The following ZNF273 variants were observed in gnomAD, a reference collection of about 807,000 sequenced individuals.
The protein encoded by ZNF273 is zinc finger protein 273.
In ZNF273, 11 loss-of-function variants were observed where a neutral mutation model predicts 14.9. That is an observed-to-expected ratio of 0.74 (90% CI 0.46 to 1.22). ZNF273 has a LOEUF of 1.22. ZNF273 is among the 50% of genes most tolerant of loss of function. The probability of loss-of-function intolerance (pLI) is 0.00; values close to 1 mark genes in which losing one functional copy is unlikely to be tolerated. For missense variants in ZNF273, 577 were observed against 660.6 expected (o/e 0.87, Z 1.39); for synonymous variants, 199 against 223.9 (o/e 0.89, Z 0.99).
At chr7:64,925,713 C>G (rs902998919) in intron 3 of ZNF273, among the ~76,000 whole-genome samples, 1 of 151,740 alleles carries the variant, frequency 6.6e-6, no homozygotes, top group Non-Finnish European at 1.5e-5. Context: ...GCTGGAATTA[C>G]AGGCATGAGC....
At chr7:64,886,232 G>T (rs756624620) in intron 1 of ZNF273, among the ~76,000 whole-genome samples, 58 of 152,348 alleles carry the variant, frequency 3.8e-4, no homozygotes, top group Non-Finnish European at 7.3e-4. Context: ...CCTTTACTCA[G>T]TTGAATGAGC....
At chr7:64,888,361 G>A (rs1270480238) in intron 1 of ZNF273, 1 of 985,212 alleles carries the variant, frequency 1.0e-6, no homozygotes, top group African/African-American at 1.7e-5. Context: ...CCAGGGGGAA[G>A]CGGGTTATGA....
chr7:64,909,392 TTTG>T (rs1468628693), intron 1 of ZNF273, among the ~76,000 whole-genome samples: 1 of 151,858 alleles, frequency 6.6e-6, no homozygotes, highest in African/African-American at 2.4e-5. Flanking sequence ...GCCTGGCTAA[TTTG>T]TTTTGTATTT....
At chr7:64,893,211 C>A (rs758415909), downstream of ZNF273, among the ~76,000 whole-genome samples, 9 of 152,118 alleles carry the variant, frequency 5.9e-5, no homozygotes, top group Non-Finnish European at 1.2e-4. Flanking sequence ...CTTTCTGTAT[C>A]ATTAAGACTC....
At chr7:64,889,273 G>C, downstream of ZNF273, 1 of 983,270 alleles carries the variant, frequency 1.0e-6, no homozygotes, top group Non-Finnish European at 1.2e-6. This position sits in a 1 kb window ranked among gnomAD's most constrained non-coding sequence, Gnocchi z 4.2. Context: ...CCGGGAGGTC[G>C]GGCTCCCGGC....
chr7:64,933,691 G>A (rs527565262), downstream of ZNF273: 1 of 152,244 alleles, frequency 6.6e-6, no homozygotes, highest in African/African-American at 2.4e-5. Flanking sequence ...ATTCAGCCAA[G>A]TTTATGAAAC....
chr7:64,935,744 A>C (rs1227862443), downstream of ZNF273, among the ~76,000 whole-genome samples: 8 of 151,952 alleles, frequency 5.3e-5, no homozygotes, highest in African/African-American at 1.9e-4. Flanking sequence ...CTGGTCTGGA[A>C]CTCCTGACCT....
At chr7:64,901,223 G>T (rs937002276), upstream of ZNF273, among the ~76,000 whole-genome samples, 4 of 152,000 alleles carry the variant, frequency 2.6e-5, no homozygotes, top group Admixed American at 2.6e-4. Flanking sequence ...GGCTGGTCTC[G>T]AACTCCTGAC....
chr7:64,927,831 A>T lies in ZNF273; in HGVS notation c.503A>T (p.Gln168Leu), dbSNP rs1794837127. ...AAAAGAGGTTATAATGGACTTAACCAATGTTTGACAACTACCCAGAGCAAA... is the reference window on the plus strand; with the variant it reads ...AAAAGAGGTTATAATGGACTTAACCTATGTTTGACAACTACCCAGAGCAAA... ...VHKRGYNGLNQCLTTTQSKIF... is the reference protein window; with the variant it reads ...VHKRGYNGLNLCLTTTQSKIF... Residue 168 changes from glutamine to leucine, a missense_variant, in exon 4 of 4, where the codon CAA becomes CTA. This residue lies in a region of ZNF273 where 162 missense variants were observed against 203.5 expected (regional missense o/e 0.80). Transcript: ENST00000476120. The T allele has an allele frequency of 6.2e-7, 1 of 1,613,978 alleles. No individual in the cohort carries two copies.
chr7:64,895,030 A>G (rs944552769), intron 3 of ZNF273, among the ~76,000 whole-genome samples: 1 of 151,954 alleles, frequency 6.6e-6, no homozygotes, highest in Non-Finnish European at 1.5e-5. Flanking sequence ...TCAGCTACTC[A>G]GGAGGCTGAG....
chr7:64,934,705 C>G (rs767876029), downstream of ZNF273, among the ~76,000 whole-genome samples: 1 of 151,886 alleles, frequency 6.6e-6, no homozygotes, highest in African/African-American at 2.4e-5. Flanking sequence ...GTTTTGAGTA[C>G]TATAGCTTGG....
chr7:64,903,265 G>T, upstream of ZNF273: 1 of 1,453,604 alleles, frequency 6.9e-7, no homozygotes, highest in Non-Finnish European at 9.6e-7. Flanking sequence ...GGATTTGGCG[G>T]GGCCTTTGTC....
chr7:64,881,901 G>A (rs1007602359), downstream of ZNF273, among the ~76,000 whole-genome samples: 3 of 152,158 alleles, frequency 2.0e-5, no homozygotes, highest in Non-Finnish European at 2.9e-5. Flanking sequence ...AGCAGCACTC[G>A]TGGACACCCA....
chr7:64,889,329 G>T, downstream of ZNF273: 3 of 960,562 alleles, frequency 3.1e-6, no homozygotes, highest in Non-Finnish European at 3.7e-6. The surrounding 1 kb of genome is among the most constrained non-coding windows in gnomAD (Gnocchi z 4.2). Flanking sequence ...TACCCACCGC[G>T]TCCCCTCCGC....
intron 1 of ZNF273, among the ~76,000 whole-genome samples, chr7:64,905,134 T>C (rs1295771961): frequency 1.5e-5 from 1 of 68,880 alleles, no homozygotes; most frequent in Non-Finnish European, 3.0e-5. Context: ...TTTTTTTTTT[T>C]TGAGACAGTC....
downstream of ZNF273, among the ~76,000 whole-genome samples, chr7:64,932,198 C>T (rs1795002883): frequency 7.0e-6 from 1 of 143,308 alleles, no homozygotes; most frequent in Admixed American, 7.3e-5. Context: ...AGGATTAAAT[C>T]ACTTAGCATT....
At chr7:64,921,636 T>TTGTG (rs1491013974) in intron 3 of ZNF273, among the ~76,000 whole-genome samples, 33 of 33,956 alleles carry the variant, frequency 9.7e-4, no homozygotes, top group South Asian at 7.7e-3. Context: ...TTTTTTTTTT[T>TTGTG]TGTGTGTGAG....
intron 2 of ZNF273, among the ~76,000 whole-genome samples, chr7:64,879,279 G>A (rs1285294398): frequency 6.6e-6 from 1 of 152,174 alleles, no homozygotes; most frequent in Non-Finnish European, 1.5e-5. Flanking sequence ...TGTGGGGACT[G>A]GGGTGGTTTG....
chr7:64,920,271 C>A (rs1031797553), intron 3 of ZNF273, among the ~76,000 whole-genome samples: 1 of 152,044 alleles, frequency 6.6e-6, no homozygotes, highest in Non-Finnish European at 1.5e-5. Flanking sequence ...AGGGCAGACA[C>A]CAGGGCAGGT....
Sources: gnomAD v4.1 joint callset for allele counts (sites outside exome capture counted in the v4.1 genomes callset) on GRCh38, gnomAD v4.1.1 for gene constraint, gnomAD v4.1.1 regional missense constraint, Gnocchi (gnomAD v3.1) non-coding constraint, MANE v1.5 for transcripts, NCBI Gene and HGNC (gene_info 2026-07-23, HGNC 2026-07-21) for gene names.